Variants in TECTB observed in about 807,000 individuals in gnomAD.
TECTB encodes tectorin beta, also known as beta-tectorin.
TECTB carries 45 observed loss-of-function variants against 43.3 expected under a neutral mutation model. That is an observed-to-expected ratio of 1.04 (90% confidence interval 0.82 to 1.33). The LOEUF (loss-of-function observed/expected upper bound fraction) is 1.33. Ranked by LOEUF, TECTB falls within the 40% of genes most tolerant of loss-of-function variation. The pLI is 0.00. For synonymous variants in TECTB, 169 were observed against 156.7 expected (o/e 1.08, Z -0.59); for missense variants, 399 against 404.7 (o/e 0.99, Z 0.12).
At chr10:112,297,153 G>T (rs1336956871) in intron 7 of TECTB, among the ~76,000 whole-genome samples, 1 of 152,120 alleles carries the variant, frequency 6.6e-6, no homozygotes, top group Non-Finnish European at 1.5e-5. Flanking sequence ...GACATTTGGG[G>T]TGGGACCATT....
intron 5 of TECTB, among the ~76,000 whole-genome samples, chr10:112,287,782 C>G (rs1329084292): frequency 6.6e-6 from 1 of 152,202 alleles, no homozygotes; most frequent in African/African-American, 2.4e-5. Flanking sequence ...ACTTTACTTA[C>G]TGCGAAGGGA....
At chr10:112,300,510 G>C (rs1156498200) in intron 9 of TECTB, among the ~76,000 whole-genome samples, 2 of 152,176 alleles carry the variant, frequency 1.3e-5, no homozygotes, top group Non-Finnish European at 2.9e-5. Flanking sequence ...TTACTGTCTA[G>C]CAAGGAGAGA....
chr10:112,291,696 T>TA (rs1373651785), intron 5 of TECTB, among the ~76,000 whole-genome samples: 2 of 152,260 alleles, frequency 1.3e-5, no homozygotes, highest in African/African-American at 4.8e-5. Flanking sequence ...TCCTATTACA[T>TA]AAAGTCACAA....
At chr10:112,294,723 C>G (rs1249668657) in intron 7 of TECTB, among the ~76,000 whole-genome samples, 2 of 152,158 alleles carry the variant, frequency 1.3e-5, no homozygotes, top group African/African-American at 2.4e-5. Context: ...ATTAGAGGCC[C>G]TGGCAGCTAT....
At chr10:112,289,388 C>T (rs926170516) in intron 5 of TECTB, among the ~76,000 whole-genome samples, 1 of 152,112 alleles carries the variant, frequency 6.6e-6, no homozygotes, top group Non-Finnish European at 1.5e-5. Context: ...ATCATAGACT[C>T]CAGGAGTCAA....
chr10:112,296,869 T>C (rs114466228), intron 7 of TECTB, among the ~76,000 whole-genome samples: 2,185 of 152,226 alleles, frequency 0.014, 44 homozygotes, highest in African/African-American at 0.05. Context: ...GAAAGATGCT[T>C]CAGAGTTGCA....
intron 4 of TECTB, 24 bp from the exon 5 acceptor site, chr10:112,286,295 T>C (rs375638562): frequency 2.5e-6 from 4 of 1,611,478 alleles, no homozygotes; most frequent in Non-Finnish European, 3.4e-6. Flanking sequence ...TCAGTCCTTA[T>C]GCAAAATTCT....
chr10:112,286,709 CAG>C (rs1564706939), intron 5 of TECTB, among the ~76,000 whole-genome samples: 1 of 152,104 alleles, frequency 6.6e-6, no homozygotes, highest in Non-Finnish European at 1.5e-5. Flanking sequence ...CATCTGAGGT[CAG>C]GAGTTTGAGA....
In TECTB at chr10:112,303,792, C is replaced by A. The variant is rs148575972; in HGVS notation, c.*480C>A. 396 of 158,664 alleles carry A rather than the reference C, an allele frequency of 2.5e-3. 3 individuals are homozygous for A. Among genetic ancestry groups the A allele is most frequent in the African/African-American group, 9.0e-3 (376 of 41,688 alleles). The allele number at this position is 158,664 out of a possible 1,614,324, so 9.8% of individuals were successfully genotyped here. A position where few individuals can be genotyped will look rare whatever the true frequency, so the allele number is the denominator to read the frequency against. The stretch of plus-strand genomic sequence containing the variant: ...CTTAAGGACCAGAGCTGAGCCCCCA[C>A]GCAGGGAGTTCCAATCTTTCAACTG... On this transcript the variant is annotated 3_prime_UTR_variant, in exon 11 of 11. Transcript: ENST00000646139.
chr10:112,295,141 A>G (rs1848534394), intron 7 of TECTB, among the ~76,000 whole-genome samples: 1 of 152,228 alleles, frequency 6.6e-6, no homozygotes, highest in Admixed American at 6.5e-5. Context: ...TAAACAAAGA[A>G]GAGATCATTC....
chr10:112,284,679 C>T lies in TECTB; in HGVS notation c.221C>T (p.Pro74Leu). The T allele has an allele frequency of 6.2e-7, 1 of 1,611,738 alleles. No homozygotes were observed. Among genetic ancestry groups the T allele is most frequent in the Non-Finnish European group, 8.5e-7 (1 of 1,178,928 alleles). Residue 74 changes from proline (P) to leucine (L), a missense_variant, in exon 3 of 11, where the codon CCA (proline) becomes CTA (leucine). By Grantham distance (98) the Pro-to-Leu change is moderately conservative. Transcript: ENST00000646139. ...GGAGGTTACTACCAATTTGTGATCC[C>T]AGATTTATCACCTAAAAACAAGTCC... ...HEGGYYQFVIPDLSPKNKSYC... is the reference protein window; with the variant it reads ...HEGGYYQFVILDLSPKNKSYC...
intron 8 of TECTB, 83 bp from the exon 9 acceptor site, chr10:112,299,409 C>G (rs918534554): frequency 3.7e-6 from 5 of 1,367,584 alleles, no homozygotes; most frequent in Non-Finnish European, 5.2e-6. Context: ...TTTAAAATAT[C>G]TTTTCTTTCT....
rs1376343279 is a variant in TECTB, at chr10:112,304,829, CAG to C, written c.*1520_*1521del. On this transcript the variant is annotated 3_prime_UTR_variant, in exon 11 of 11. Coordinates refer to ENST00000646139, the MANE Select transcript of TECTB (RefSeq NM_058222.3). Reference sequence around the variant, plus strand: ...TTAGGATCTCTTCTTTCTGTAAATTCAGAGTTTTTATAGTCAGGAAAAACAGA... The same window carrying C: ...TTAGGATCTCTTCTTTCTGTAAATTCAGTTTTTATAGTCAGGAAAAACAGA... 2.1e-5 allele frequency: 3 copies of C among 144,824 alleles called. No homozygotes were observed. The highest frequency in any genetic ancestry group is 5.8e-5 in the African/African-American group (2 of 34,460). The allele number at this position is 144,824 out of a possible 1,614,324, so 9.0% of individuals were successfully genotyped here.
Position 112,286,074 on chromosome 10 carries a change from A to C in TECTB, c.271A>C (p.Lys91Gln). ...KSYCGTQSEY[K>Q]PPIYHFYSHI... is the part of the protein sequence containing the mutation. ...ACTGTCTCCTTTCTTTGTCCAGTAC[A>C]AGCCACCTATCTATCACTTCTACAG... Residue 91 changes from lysine to glutamine, a missense_variant, in exon 4 of 11, where the codon AAG (lysine) becomes CAG (glutamine). Physicochemically the swap from Lys to Gln is moderately conservative, Grantham distance 53. Transcript: ENST00000646139. The C allele has an allele frequency of 6.2e-7, 1 of 1,614,076 alleles. No individual in the cohort carries two copies. The highest frequency in any genetic ancestry group is 8.5e-7 in the Non-Finnish European group (1 of 1,179,966).
chr10:112,297,431 A>G (rs1848558116), intron 7 of TECTB, among the ~76,000 whole-genome samples: 1 of 137,758 alleles, frequency 7.3e-6, no homozygotes, highest in African/African-American at 2.5e-5. Flanking sequence ...AAGAATACAT[A>G]AAAATACAAA....
At chr10:112,295,224 T>C (rs1207537787) in intron 7 of TECTB, among the ~76,000 whole-genome samples, 3 of 152,234 alleles carry the variant, frequency 2.0e-5, no homozygotes, top group Non-Finnish European at 2.9e-5. Context: ...GAAAAATTAA[T>C]GTCAAGGATA....
chr10:112,298,210 T>G lies in TECTB; in HGVS notation c.813T>G (p.Ser271Arg). Residue 271 changes from serine to arginine, a missense_variant, in exon 8 of 11, where the codon AGT (serine) becomes AGG (arginine). By Grantham distance (110) the Ser-to-Arg change is moderately radical (BLOSUM62 -1). Coordinates refer to ENST00000646139, the MANE Select transcript of TECTB (RefSeq NM_058222.3). ...WLHCETFICD[S>R]EKLSCPVTCD... ...ACTGTGAGACGTTCATCTGCGACAG[T>G]GAGAAACTCTCCTGCCCAGTGGTGA... 1 of 1,614,052 alleles carries G rather than the reference T, an allele frequency of 6.2e-7. No individual in the cohort carries two copies.
intron 5 of TECTB, among the ~76,000 whole-genome samples, chr10:112,289,685 C>G (rs1443362154): frequency 1.3e-5 from 2 of 152,164 alleles, no homozygotes; most frequent in African/African-American, 4.8e-5. Context: ...CCATCCTAGT[C>G]ACTCTTCTCT....
In TECTB at chr10:112,300,245, A is replaced by G. The variant is rs1848589891; in HGVS notation, c.907+681A>G. Reference sequence around the variant, plus strand: ...CAGAAAGAAATAAAGAAAGAAAGAAAGAAAGAAAGAAAGAAAGAAAGAAAG... The same window carrying G: ...CAGAAAGAAATAAAGAAAGAAAGAAGGAAAGAAAGAAAGAAAGAAAGAAAG... On this transcript the variant is annotated intron_variant, in intron 9 of 10. Coordinates refer to ENST00000646139, the MANE Select transcript of TECTB (RefSeq NM_058222.3). 1.0e-4 allele frequency among the ~76,000 whole-genome samples: 3 copies of G among 29,376 alleles called. 1 individual carries two copies. Among genetic ancestry groups the G allele is most frequent in the Non-Finnish European group, 2.0e-4 (3 of 15,048 alleles). 19.3% of individuals were successfully genotyped at this position (29,376 alleles called of 152,430 possible). A position where few individuals can be genotyped will look rare whatever the true frequency, so the allele number is the denominator to read the frequency against.
Sources: allele counts gnomAD v4.1 joint callset (sites outside exome capture counted in the v4.1 genomes callset), GRCh38; gene constraint gnomAD v4.1.1; transcripts MANE v1.5; gene names NCBI Gene and HGNC (gene_info 2026-07-23, HGNC 2026-07-21).